EXOC4: variants seen among roughly 807,000 people sequenced by gnomAD.
The protein encoded by EXOC4 is SEC8-like 1.
A neutral mutation model predicts 107.2 loss-of-function variants in EXOC4; 71 were observed. The observed-to-expected ratio is 0.66, with a 90% CI of 0.55 to 0.81. The LOEUF is 0.81. Among genes scored for constraint, EXOC4 ranks in the 30% least tolerant of loss-of-function variants. The pLI is 0.00. For missense variants in EXOC4, 1,108 were observed against 1,189.6 expected (o/e 0.93, Z 1.01); for synonymous variants, 456 against 441.2 (o/e 1.03, Z -0.42).
chr7:133,739,305 G>C (rs1795514475), intron 10 of EXOC4, among the ~76,000 whole-genome samples: 1 of 151,542 alleles, frequency 6.6e-6, no homozygotes, highest in African/African-American at 2.4e-5. Context: ...TCGTTTAATT[G>C]TGGGATCTGG....
At chr7:133,446,700 T>C (rs1798228771) in intron 7 of EXOC4, among the ~76,000 whole-genome samples, 1 of 152,244 alleles carries the variant, frequency 6.6e-6, no homozygotes, top group Admixed American at 6.5e-5. Flanking sequence ...TTTTATAAAG[T>C]ATCAAAAACT....
At position 133,305,833 on chromosome 7, in the gene EXOC4, T is replaced by C. The variant is rs376283333; in HGVS notation, c.472-44T>C. 79 of 1,435,750 alleles carry C rather than the reference T, an allele frequency of 5.5e-5. No individual in the cohort carries two copies. In the South Asian group the frequency reaches 1.0e-3, roughly 18 times the overall value. 88.9% of individuals were successfully genotyped at this position (1,435,750 alleles called of 1,614,324 possible). A position where few individuals can be genotyped will look rare whatever the true frequency, so the allele number is the denominator to read the frequency against. On this transcript the variant is annotated intron_variant, in intron 3 of 17. Transcript: ENST00000253861. ...TTTCTTATTTATAATATTGCCAGGT[T>C]ATTAAGTTGTACTTAATTGTCTTTC...
chr7:134,070,329 T>C (rs933776461), downstream of EXOC4, among the ~76,000 whole-genome samples: 2 of 152,166 alleles, frequency 1.3e-5, no homozygotes, highest in East Asian at 3.9e-4. Context: ...CAGCTGGAAG[T>C]AGTTGTCCTA....
chr7:133,964,428 A>G (rs1323074538), intron 14 of EXOC4, among the ~76,000 whole-genome samples: 1 of 151,890 alleles, frequency 6.6e-6, no homozygotes, highest in Non-Finnish European at 1.5e-5. Context: ...TGCTGCACCC[A>G]TCAACCGGTC....
chr7:133,301,466 G>C (rs1007151003), intron 3 of EXOC4, among the ~76,000 whole-genome samples: 3 of 152,150 alleles, frequency 2.0e-5, no homozygotes, highest in Non-Finnish European at 4.4e-5. Flanking sequence ...ATGTTGTCTT[G>C]CTAGAAAAAT....
intron 7 of EXOC4, among the ~76,000 whole-genome samples, chr7:133,435,212 TGATAC>T (rs1473907705): frequency 2.6e-5 from 4 of 152,190 alleles, no homozygotes; most frequent in African/African-American, 7.2e-5. Flanking sequence ...GAATGTATTG[TGATAC>T]GTCAGAGGTC....
At chr7:133,505,601 G>A (rs1294099204) in intron 9 of EXOC4, among the ~76,000 whole-genome samples, 1 of 151,922 alleles carries the variant, frequency 6.6e-6, no homozygotes, top group Non-Finnish European at 1.5e-5. Flanking sequence ...CCTTCTGTGA[G>A]GTCCAGCTAA....
intron 7 of EXOC4, among the ~76,000 whole-genome samples, chr7:133,377,520 A>G (rs551908303): frequency 1.3e-5 from 2 of 152,312 alleles, no homozygotes; most frequent in Admixed American, 6.5e-5. Context: ...GAACAAAGCT[A>G]TAATATCTTC....
At position 133,917,646 on chromosome 7, in the gene EXOC4, C is replaced by T. The variant is rs369515205; in HGVS notation, c.1935C>T (p.Ile645=). The T allele has an allele frequency of 2.1e-4, 342 of 1,613,910 alleles. No individual in the cohort carries two copies. The highest frequency in any genetic ancestry group is 2.8e-4 in the Non-Finnish European group (335 of 1,179,992). ...ISASWAKDDD[I]SRLLKSLPNW... ...CATCCTGGGCAAAAGATGATGATAT[C>T]AGCAGACTCTTGAAATCTCTACCAA... Residue 645 remains isoleucine, a synonymous_variant, in exon 13 of 18, where the codon ATC becomes ATT. Coordinates refer to ENST00000253861, the MANE Select transcript of EXOC4 (RefSeq NM_021807.4).
At chr7:133,805,039 A>T (rs1473917487) in intron 10 of EXOC4, among the ~76,000 whole-genome samples, 1 of 152,200 alleles carries the variant, frequency 6.6e-6, no homozygotes, top group African/African-American at 2.4e-5. Context: ...ACTGTACTTG[A>T]TGTAGTGTTA....
chr7:133,720,957 A>G (rs776355878), intron 10 of EXOC4, among the ~76,000 whole-genome samples: 1 of 152,208 alleles, frequency 6.6e-6, no homozygotes, highest in African/African-American at 2.4e-5. Context: ...CCTACATTAA[A>G]TGTGTAGCTT....
intron 17 of EXOC4, 180 bp downstream of exon 17, chr7:134,008,015 T>C: frequency 3.4e-6 from 2 of 584,930 alleles, no homozygotes; most frequent in Non-Finnish European, 5.6e-6. Flanking sequence ...TATTGAATTT[T>C]GTTACTTTGG....
chr7:133,340,563 CTCTT>C (rs1474089971), intron 5 of EXOC4, among the ~76,000 whole-genome samples: 1 of 151,656 alleles, frequency 6.6e-6, no homozygotes, highest in African/African-American at 2.4e-5. Context: ...GGAGGATTCT[CTCTT>C]TTTCTATCTT....
chr7:133,672,913 C>G (rs2151059462), intron 10 of EXOC4, among the ~76,000 whole-genome samples: 1 of 152,292 alleles, frequency 6.6e-6, no homozygotes, highest in Admixed American at 6.5e-5. Context: ...CAATGCTGAA[C>G]AAATTAATGG....
intron 6 of EXOC4, among the ~76,000 whole-genome samples, chr7:133,361,077 A>G (rs1050620267): frequency 2.0e-5 from 3 of 152,184 alleles, no homozygotes; most frequent in African/African-American, 7.2e-5. Flanking sequence ...TGTTGATTGC[A>G]AGAATAAATT....
chr7:133,466,739 A>T (rs1798738156), intron 7 of EXOC4, among the ~76,000 whole-genome samples: 1 of 152,224 alleles, frequency 6.6e-6, no homozygotes, highest in South Asian at 2.1e-4. Flanking sequence ...GAGCAGCCTT[A>T]CAAACATAAG....
intron 17 of EXOC4, among the ~76,000 whole-genome samples, chr7:134,008,335 C>T (rs993380286): frequency 2.2e-4 from 34 of 152,096 alleles, no homozygotes; most frequent in African/African-American, 7.2e-4. Context: ...CTATCAATAA[C>T]GTTGTTTGAA....
intron 7 of EXOC4, among the ~76,000 whole-genome samples, chr7:133,382,933 G>A (rs1187041116): frequency 6.6e-6 from 1 of 152,184 alleles, no homozygotes; most frequent in Non-Finnish European, 1.5e-5. Context: ...GAGGAGACAA[G>A]GCTATAGCTA....
chr7:133,786,064 A>G (rs543336060), intron 10 of EXOC4, among the ~76,000 whole-genome samples: 2 of 152,346 alleles, frequency 1.3e-5, no homozygotes, highest in South Asian at 2.1e-4. Context: ...TATACCAACT[A>G]TATCAATAAA....
Sources: allele counts gnomAD v4.1 joint callset (sites outside exome capture counted in the v4.1 genomes callset), GRCh38; gene constraint gnomAD v4.1.1; transcripts MANE v1.5; gene names NCBI Gene and HGNC (gene_info 2026-07-23, HGNC 2026-07-21).